LAT2: variants seen among roughly 807,000 people sequenced by gnomAD.
The protein encoded by LAT2 is linker for activation of T cells family member 2.
Under a neutral mutation model 43.4 loss-of-function variants are expected in LAT2, and 23 were observed. The observed-to-expected ratio is 0.53, with a 90% CI of 0.38 to 0.75. LAT2 has a LOEUF of 0.75. Ranked by LOEUF, LAT2 falls within the 30% of genes least tolerant of loss-of-function variation. The pLI is 0.00. For synonymous variants in LAT2, 128 were observed against 123.2 expected, an observed-to-expected ratio of 1.04 and a Z score of -0.26; for missense variants, 284 against 310.2, an observed-to-expected ratio of 0.92 and a Z score of 0.64.
intron 10 of LAT2, among the ~76,000 whole-genome samples, chr7:74,222,400 C>CA (rs782642560): frequency 0.094 from 12,201 of 129,780 alleles, 1,063 homozygotes; most frequent in African/African-American, 0.24. Context: ...GACTCCATCT[C>CA]AAAAAAAAAA....
chr7:74,215,876 G>A (rs782283872), intron 2 of LAT2, 71 bp from the exon 3 acceptor site: 94 of 1,059,616 alleles, frequency 8.9e-5, no homozygotes, highest in Middle Eastern at 6.1e-4. Flanking sequence ...GGGGCTGTCC[G>A]AGCACAGTGG....
At position 74,224,054 on chromosome 7, in the gene LAT2, G is replaced by T. The variant is rs782217123; in HGVS notation, c.485G>T (p.Gly162Val). 1 of 1,614,122 alleles carries T rather than the reference G, an allele frequency of 6.2e-7. No homozygotes were observed. The highest frequency in any genetic ancestry group is 1.1e-5 in the South Asian group (1 of 91,080). ...GAGGGCATAGGTGGCCTCTGCAGAG[G>T]GGACCTCAGCCTGTCACTGGCCCTG... ...QQEGIGGLCR[G>V]DLSLSLALKT... is the part of the protein sequence containing the mutation. The change falls in exon 12 of 14, where the codon GGG becomes GTG. Residue 162 changes from glycine to valine, a missense_variant. Gly to Val is a moderately radical substitution (Grantham distance 109). Transcript: ENST00000460943.
In LAT2 at chr7:74,224,086, G is replaced by A. The variant is rs375656190; in HGVS notation, c.517G>A (p.Gly173Ser). 9 of 1,614,040 alleles carry A rather than the reference G, an allele frequency of 5.6e-6. No individual in the cohort carries two copies. Among genetic ancestry groups the A allele is most frequent in the Non-Finnish European group, 5.9e-6 (7 of 1,180,026 alleles). The stretch of plus-strand genomic sequence containing the variant: ...CAGCCTGTCACTGGCCCTGAAGACT[G>A]GCCCCACTTCTGGTCTCTGTCCCTC... ...DLSLSLALKT[G>S]PTSGLCPSAS... Residue 173 changes from glycine (G) to serine (S), a missense_variant, in exon 12 of 14, where the codon GGC (glycine) becomes AGC (serine). By Grantham distance (56) the Gly-to-Ser change is moderately conservative (BLOSUM62 0). Coordinates refer to ENST00000460943, the MANE Select transcript of LAT2 (RefSeq NM_032464.3).
intron 3 of LAT2, 31 bp downstream of exon 3, chr7:74,216,100 A>C: frequency 1.3e-6 from 2 of 1,573,548 alleles, no homozygotes; most frequent in Middle Eastern, 1.8e-4. Context: ...CGTGATGGGG[A>C]GAAGGTGTGG....
chr7:74,217,975 G>A (rs1802102348), intron 4 of LAT2, among the ~76,000 whole-genome samples: 1 of 152,142 alleles, frequency 6.6e-6, no homozygotes, highest in African/African-American at 2.4e-5. Flanking sequence ...TGGCCACGTG[G>A]CTTTCTGGCC....
intron 1 of LAT2, among the ~76,000 whole-genome samples, chr7:74,210,914 C>T (rs1801711274): frequency 6.6e-6 from 1 of 152,208 alleles, no homozygotes; most frequent in Non-Finnish European, 1.5e-5. Context: ...CCCAGTGTCC[C>T]CAACCACAGC....
At chr7:74,215,912 A>G in intron 2 of LAT2, 35 bp from the exon 3 acceptor site, 9 of 1,446,452 alleles carry the variant, frequency 6.2e-6, no homozygotes, top group South Asian at 1.1e-5. Flanking sequence ...TTCCTGAAAA[A>G]GGGGCCCCTT....
intron 10 of LAT2, among the ~76,000 whole-genome samples, chr7:74,222,280 A>G (rs1802315250): frequency 6.6e-6 from 1 of 150,690 alleles, no homozygotes; most frequent in South Asian, 2.1e-4. Flanking sequence ...ACATGCCTGT[A>G]ATCCCAGCTA....
intron 10 of LAT2, among the ~76,000 whole-genome samples, chr7:74,223,367 G>A (rs1417327013): frequency 6.6e-6 from 1 of 152,228 alleles, no homozygotes; most frequent in Non-Finnish European, 1.5e-5. Context: ...GTGCATGCCT[G>A]TAGTTCCAGC....
chr7:74,218,783 G>A (rs1020588928), intron 4 of LAT2, among the ~76,000 whole-genome samples: 1 of 152,176 alleles, frequency 6.6e-6, no homozygotes, highest in Non-Finnish European at 1.5e-5. Context: ...TGCAACCTCT[G>A]CCTCCTGGCT....
chr7:74,221,709 A>G lies in LAT2; in HGVS notation c.388+17A>G. The G allele has an allele frequency of 6.2e-7, 1 of 1,605,090 alleles. No homozygotes were observed. The highest frequency in any genetic ancestry group is 8.5e-7 in the Non-Finnish European group (1 of 1,176,242). ...CCCCAGAAGGTGAGGCGAAGGACAA[A>G]GCCGGAGGTGGAGGAAGTGGTGTGG... is the stretch of plus-strand genomic sequence containing the variant. On this transcript the variant is annotated intron_variant, in intron 10 of 13. Coordinates refer to ENST00000460943, the MANE Select transcript of LAT2 (RefSeq NM_032464.3).
rs1393406536 is a variant in LAT2 at position 74,212,605 on chromosome 7, CG to C, written c.-218-2211del. Among the ~76,000 whole-genome samples the C allele has an allele frequency of 9.2e-5, 14 of 152,218 alleles. No individual in the cohort carries two copies. In the South Asian group the frequency reaches 2.7e-3, roughly 29 times the overall value. On this transcript the variant is annotated intron_variant, in intron 1 of 13. Transcript: ENST00000460943. ...CATTTTATAGATGAGAAAACTGAGG[CG>C]GGGGGCTCTCAGGCAGAGGCTAGAT...
intron 4 of LAT2, 77 bp downstream of exon 4, chr7:74,216,941 C>A (rs1203702509): frequency 3.1e-6 from 4 of 1,274,702 alleles, no homozygotes; most frequent in Non-Finnish European, 4.6e-6. Flanking sequence ...ATTCCTAGCA[C>A]CCCATCCTTC....
chr7:74,219,679 C>T, intron 4 of LAT2, 65 bp from the exon 5 acceptor site: 1 of 1,594,712 alleles, frequency 6.3e-7, no homozygotes, highest in Non-Finnish European at 8.6e-7. Context: ...TCCCTCCCTC[C>T]TGTCCCTGTG....
In LAT2 at chr7:74,220,619, G is replaced by A. The variant is rs1554715052; in HGVS notation, c.301G>A (p.Gly101Arg). ...TTCCAGGTACCAGAACTTCAGCAAAGGTAGGTAGGCTCCTGGAGAAAGGGG... is the reference window on the plus strand; with the variant it reads ...TTCCAGGTACCAGAACTTCAGCAAAAGTAGGTAGGCTCCTGGAGAAAGGGG... ...ASSRYQNFSK[G>R]SRHGSEEAYI... The change falls in exon 8 of 14, where the codon GGA becomes AGA. Residue 101 changes from glycine to arginine, a missense_variant and splice_region_variant. Gly to Arg is a moderately radical substitution (Grantham distance 125). Transcript: ENST00000460943. This position sits in a 1 kb window ranked among gnomAD's most constrained non-coding sequence, Gnocchi z 4.5. The A allele has an allele frequency of 6.2e-7, 1 of 1,614,082 alleles. No homozygotes were observed. Among genetic ancestry groups the A allele is most frequent in the South Asian group, 1.1e-5 (1 of 91,092 alleles).
At chr7:74,212,981 AG>A (rs1289829567) in intron 1 of LAT2, among the ~76,000 whole-genome samples, 1 of 152,172 alleles carries the variant, frequency 6.6e-6, no homozygotes. Context: ...ATCTTACCGC[AG>A]GGATTTGGGA....
intron 1 of LAT2, among the ~76,000 whole-genome samples, chr7:74,213,452 T>C (rs1554713436): frequency 9.0e-6 from 1 of 110,734 alleles, no homozygotes; most frequent in African/African-American, 3.6e-5. Context: ...TGAGATGGAG[T>C]CTCGCTCTGT....
intron 1 of LAT2, among the ~76,000 whole-genome samples, chr7:74,211,110 G>A (rs1456482196): frequency 1.3e-5 from 2 of 152,180 alleles, no homozygotes; most frequent in Non-Finnish European, 2.9e-5. Context: ...CAGAACCGTG[G>A]TCTGTGGCAG....
At position 74,223,741 on chromosome 7, in the gene LAT2, T is replaced by C. The variant is rs1554715644; in HGVS notation, c.406T>C (p.Tyr136His). The change falls in exon 11 of 14, where the codon TAC becomes CAC. Residue 136 changes from tyrosine (Y) to histidine (H), a missense_variant. Physicochemically the swap from Tyr to His is moderately conservative, Grantham distance 83 (BLOSUM62 2). Coordinates refer to ENST00000460943, the MANE Select transcript of LAT2 (RefSeq NM_032464.3). Reference sequence around the variant, plus strand: ...TCCTGCAGATGATGATGCCAATTCCTACGAGAATGTGCTCATTTGCAAGCA... The same window carrying C: ...TCCTGCAGATGATGATGCCAATTCCCACGAGAATGTGCTCATTTGCAAGCA... ...KPPEDDDANSYENVLICKQKT... is the reference protein window; with the variant it reads ...KPPEDDDANSHENVLICKQKT... The C allele has an allele frequency of 6.2e-7, 1 of 1,613,906 alleles. No homozygotes were observed. Among genetic ancestry groups the C allele is most frequent in the Non-Finnish European group, 8.5e-7 (1 of 1,179,946 alleles).
Sources: allele counts gnomAD v4.1 joint callset (sites outside exome capture counted in the v4.1 genomes callset), GRCh38; gene constraint gnomAD v4.1.1; non-coding constraint Gnocchi (gnomAD v3.1); transcripts MANE v1.5; gene names NCBI Gene and HGNC (gene_info 2026-07-23, HGNC 2026-07-21).